Variants in LRRIQ3 observed in about 807,000 individuals in gnomAD.
LRRIQ3 encodes the protein leucine-rich repeat and IQ domain-containing protein 3.
LRRIQ3 carries 75 observed loss-of-function variants against 59.3 expected under a neutral mutation model. The ratio of observed to expected loss-of-function variants is 1.26; its 90% CI spans 1.05 to 1.53. The LOEUF (loss-of-function observed/expected upper bound fraction) is 1.53, where lower values mean the gene tolerates loss of function less well. Ranked by LOEUF, LRRIQ3 falls within the 40% of genes most tolerant of loss-of-function variation. The probability of loss-of-function intolerance (pLI) is 0.00; values close to 1 mark genes in which losing one functional copy is unlikely to be tolerated. For synonymous variants in LRRIQ3, 250 were observed against 231.3 expected (o/e 1.08, Z -0.73); for missense variants, 831 against 710.0 (o/e 1.17, Z -1.94).
chr1:74,109,446 A>G lies in LRRIQ3; in HGVS notation c.815T>C (p.Leu272Pro). The change falls in exon 5 of 8, where the codon CTC becomes CCC. Residue 272 changes from leucine (L) to proline (P), a missense_variant. Physicochemically the swap from Leu to Pro is moderately conservative, Grantham distance 98. Coordinates refer to ENST00000354431, the MANE Select transcript of LRRIQ3 (RefSeq NM_001105659.2). ...TATATTAGTTTCAGGTTTGAAAAAG[A>G]GATCCTTAAGGAGCTTATCTTCATA... Reference protein sequence around the residue: ...KGYEDKLLKDLFFKPETNIKG... With the variant: ...KGYEDKLLKDPFFKPETNIKG... The G allele has an allele frequency of 6.4e-7, 1 of 1,570,392 alleles. No homozygotes were observed. The highest frequency in any genetic ancestry group is 1.4e-5 in the African/African-American group (1 of 73,204).
chr1:74,192,048 T>C (rs1447280010), intron 1 of LRRIQ3, among the ~76,000 whole-genome samples: 2 of 152,056 alleles, frequency 1.3e-5, no homozygotes, highest in East Asian at 1.9e-4. Context: ...AAAAAATAAA[T>C]ACTCTACTCA....
chr1:74,093,188 G>A (rs897455109), intron 5 of LRRIQ3, among the ~76,000 whole-genome samples: 2 of 151,666 alleles, frequency 1.3e-5, no homozygotes, highest in African/African-American at 4.8e-5. Context: ...CAACCCACAG[G>A]CCCCTAAATC....
At chr1:74,076,982 A>C (rs1413479789) in intron 5 of LRRIQ3, among the ~76,000 whole-genome samples, 1 of 152,126 alleles carries the variant, frequency 6.6e-6, no homozygotes, top group Non-Finnish European at 1.5e-5. Flanking sequence ...GTTGCCAAGG[A>C]TAATTAAAAT....
At chr1:74,109,132 T>C in intron 5 of LRRIQ3, 1 of 215,120 alleles carries the variant, frequency 4.6e-6, no homozygotes, top group Non-Finnish European at 9.1e-6. Context: ...TTATTACTAC[T>C]TGTAAAAACT....
At chr1:74,092,778 T>C (rs962258019) in intron 5 of LRRIQ3, among the ~76,000 whole-genome samples, 1 of 152,052 alleles carries the variant, frequency 6.6e-6, no homozygotes, top group African/African-American at 2.4e-5. Context: ...GGGCCTTGTG[T>C]AGGTGAAAAA....
rs747418283 is a variant in LRRIQ3, at chr1:74,182,830, T to G, written c.281A>C (p.Asn94Thr). 3.9e-6 allele frequency: 6 copies of G among 1,543,684 alleles called. No homozygotes were observed. The highest frequency in any genetic ancestry group is 5.2e-6 in the Non-Finnish European group (6 of 1,144,362). The change falls in exon 3 of 8, where the codon AAT becomes ACT. Residue 94 changes from asparagine (N) to threonine (T), a missense_variant. By Grantham distance (65) the Asn-to-Thr change is moderately conservative. Coordinates refer to ENST00000354431, the MANE Select transcript of LRRIQ3 (RefSeq NM_001105659.2). Reference sequence around the variant, plus strand: ...GAGTAGTTTTAGGTTCTTCAATCCATTCCAAAATTTGGTATTTGGTAGACT... The same window carrying G: ...GAGTAGTTTTAGGTTCTTCAATCCAGTCCAAAATTTGGTATTTGGTAGACT... Reference protein sequence around the residue: ...IKSLPNTKFWNGLKNLKLLYL... With the variant: ...IKSLPNTKFWTGLKNLKLLYL...
At chr1:74,072,366 T>C (rs1319045596) in intron 6 of LRRIQ3, among the ~76,000 whole-genome samples, 12 of 152,066 alleles carry the variant, frequency 7.9e-5, no homozygotes, top group Admixed American at 4.6e-4. Context: ...TTAGAGGTAG[T>C]ATAAAATCTT....
At chr1:74,031,110 C>T (rs531173230) in intron 7 of LRRIQ3, among the ~76,000 whole-genome samples, 9 of 152,222 alleles carry the variant, frequency 5.9e-5, no homozygotes, top group African/African-American at 2.2e-4. Flanking sequence ...AGTCAGGAAA[C>T]AACAGGTGCT....
At chr1:74,192,528 G>A (rs1227512413) in intron 1 of LRRIQ3, among the ~76,000 whole-genome samples, 2 of 151,762 alleles carry the variant, frequency 1.3e-5, no homozygotes, top group Non-Finnish European at 2.9e-5. Context: ...CTTCTCAACT[G>A]GTTTCTTTTT....
intron 6 of LRRIQ3, among the ~76,000 whole-genome samples, chr1:74,056,394 T>C (rs982479666): frequency 2.0e-5 from 3 of 151,840 alleles, no homozygotes; most frequent in Admixed American, 6.6e-5. Context: ...AGAGGGAAAA[T>C]AGGGATCCAA....
chr1:74,035,898 A>C (rs1249645868), intron 7 of LRRIQ3, among the ~76,000 whole-genome samples: 1 of 152,014 alleles, frequency 6.6e-6, no homozygotes, highest in Non-Finnish European at 1.5e-5. Flanking sequence ...TCACCTCTCT[A>C]CTATAATGGT....
chr1:74,128,327 A>C (rs948211914), intron 4 of LRRIQ3, among the ~76,000 whole-genome samples: 2 of 151,922 alleles, frequency 1.3e-5, no homozygotes, highest in East Asian at 3.9e-4. Flanking sequence ...TTGTGATGGC[A>C]TGTCTTAAAG....
chr1:74,113,489 G>T (rs1321764090), intron 4 of LRRIQ3, among the ~76,000 whole-genome samples: 2 of 152,018 alleles, frequency 1.3e-5, no homozygotes, highest in Non-Finnish European at 2.9e-5. Context: ...GAAATCTAAA[G>T]ACAGAAAATC....
chr1:74,148,538 T>G (rs554411498), intron 4 of LRRIQ3, among the ~76,000 whole-genome samples: 1 of 152,078 alleles, frequency 6.6e-6, no homozygotes, highest in Non-Finnish European at 1.5e-5. Context: ...CTCAAGGATG[T>G]TGTAATTATA....
intron 3 of LRRIQ3, among the ~76,000 whole-genome samples, chr1:74,176,598 T>C (rs1649653844): frequency 6.6e-6 from 1 of 151,972 alleles, no homozygotes; most frequent in Admixed American, 6.6e-5. Context: ...GTTATATCTT[T>C]TATTATAATT....
Position 74,108,981 on chromosome 1 carries a change from T to G in LRRIQ3, c.867+413A>C, listed in dbSNP as rs78096746. ...AGGCATTCAATCAACATAAATAAAT[T>G]TCTTTCAATTTCCACTGGGTCCTCA... is the stretch of plus-strand genomic sequence containing the variant. On this transcript the variant is annotated intron_variant, in intron 5 of 7. Coordinates refer to ENST00000354431, the MANE Select transcript of LRRIQ3 (RefSeq NM_001105659.2). 1.9e-3 allele frequency: 563 copies of G among 291,070 alleles called. 17 individuals carry two copies. In the East Asian group the frequency reaches 0.055, roughly 29 times the overall value. 18.0% of individuals were successfully genotyped at this position (291,070 alleles called of 1,614,324 possible).
rs559189814 is a variant in LRRIQ3, at chr1:74,172,558, T to C, written c.573+9980A>G. Among the ~76,000 whole-genome samples, 136 of 152,292 alleles carry C rather than the reference T, an allele frequency of 8.9e-4. 1 individual carries two copies. Among genetic ancestry groups the C allele is most frequent in the African/African-American group, 3.1e-3 (129 of 41,556 alleles). On this transcript the variant is annotated intron_variant, in intron 3 of 7. Coordinates refer to ENST00000354431, the MANE Select transcript of LRRIQ3 (RefSeq NM_001105659.2). ...TTGAAAGGAATGTATATTATATTAC[T>C]GCTGGATTCTGTGTACATGTCTGTT...
At chr1:74,056,596 A>G (rs1072935) in intron 6 of LRRIQ3, among the ~76,000 whole-genome samples, 3,732 of 152,272 alleles carry the variant, frequency 0.025, 141 homozygotes, top group African/African-American at 0.085. Context: ...ATAATAAATC[A>G]AGAATGCAAT....
rs917826517 is a variant in LRRIQ3, at chr1:74,084,084, G to T, written c.868-9294C>A. On this transcript the variant is annotated intron_variant, in intron 5 of 7. Coordinates refer to ENST00000354431, the MANE Select transcript of LRRIQ3 (RefSeq NM_001105659.2). Reference sequence around the variant, plus strand: ...CTTGTGTGTACAGCTGATATCCCTAGTGTCCAATCAGAGACAAGTTTTCAT... The same window carrying T: ...CTTGTGTGTACAGCTGATATCCCTATTGTCCAATCAGAGACAAGTTTTCAT... The T allele has an allele frequency of 3.2e-6, 4 of 1,261,336 alleles. No individual in the cohort carries two copies. In the African/African-American group the frequency reaches 4.6e-5, roughly 14 times the overall value. 78.1% of individuals were successfully genotyped at this position (1,261,336 alleles called of 1,614,324 possible).
Sources: gnomAD v4.1 joint callset for allele counts (sites outside exome capture counted in the v4.1 genomes callset) on GRCh38, gnomAD v4.1.1 for gene constraint, MANE v1.5 for transcripts, NCBI Gene and HGNC (gene_info 2026-07-23, HGNC 2026-07-21) for gene names.